Variants in ZNF317 observed in about 807,000 individuals in gnomAD.
ZNF317 encodes the protein KRAB-containing zinc finger protein 317.
ZNF317 carries 17 observed loss-of-function variants against 23.4 expected under a neutral mutation model. The ratio of observed to expected loss-of-function variants is 0.73; its 90% CI spans 0.50 to 1.09. The LOEUF (loss-of-function observed/expected upper bound fraction) is 1.09. ZNF317 is among the 50% of genes least tolerant of loss of function. ZNF317 has a pLI of 0.00. For synonymous variants in ZNF317, 317 were observed against 314.9 expected (o/e 1.01, Z -0.07); for missense variants, 679 against 796.7 (o/e 0.85, Z 1.78).
rs2050816844 is a variant in ZNF317 at position 9,158,858 on chromosome 19, C to T, written c.418C>T (p.Leu140Phe). The change falls in exon 6 of 7, where the codon CTT becomes TTT. Residue 140 changes from leucine to phenylalanine, a missense_variant. Physicochemically the swap from Leu to Phe is conservative, Grantham distance 22 (BLOSUM62 0). Coordinates refer to ENST00000247956, the MANE Select transcript of ZNF317 (RefSeq NM_020933.5). Reference sequence around the variant, plus strand: ...GACTCCATCTAAAACCAAGTGGTCACTTCTTATGGAAGATATTTTTGGGAA... The same window carrying T: ...GACTCCATCTAAAACCAAGTGGTCATTTCTTATGGAAGATATTTTTGGGAA... Reference protein sequence around the residue: ...WETPSKTKWSLLMEDIFGKET... With the variant: ...WETPSKTKWSFLMEDIFGKET... The T allele has an allele frequency of 6.2e-7, 1 of 1,613,018 alleles. No individual in the cohort carries two copies. Among genetic ancestry groups the T allele is most frequent in the East Asian group, 2.2e-5 (1 of 44,878 alleles).
chr19:9,156,640 C>T lies in ZNF317; in HGVS notation c.54C>T (p.Leu18=), dbSNP rs371265558. ...FATSTQDSTC[L]QDSEFPVSSK... is the part of the protein sequence containing the mutation. ...CGTCCACCCAGGATTCCACCTGTCT[C>T]CAGGACTCAGAATTTCCTGTTTCTT... The change falls in exon 3 of 7, where the codon CTC becomes CTT. Residue 18 remains leucine, a synonymous_variant. Coordinates refer to ENST00000247956, the MANE Select transcript of ZNF317 (RefSeq NM_020933.5). 51 of 1,614,040 alleles carry T rather than the reference C, an allele frequency of 3.2e-5. No homozygotes were observed. The highest frequency in any genetic ancestry group is 4.1e-5 in the Non-Finnish European group (48 of 1,180,020).
chr19:9,151,406 G>C (rs1328119614), intron 1 of ZNF317, among the ~76,000 whole-genome samples: 2 of 152,120 alleles, frequency 1.3e-5, no homozygotes, highest in African/African-American at 4.8e-5. Flanking sequence ...AATACTAATT[G>C]ATGTTGAAAA....
chr19:9,160,715 C>T lies in ZNF317; in HGVS notation c.1070C>T (p.Thr357Met), dbSNP rs1297682998. 14 of 1,614,156 alleles carry T rather than the reference C, an allele frequency of 8.7e-6. No individual in the cohort carries two copies. Among genetic ancestry groups the T allele is most frequent in the Admixed American group, 1.7e-5 (1 of 60,026 alleles). ...CTCAAAGAGCACGTGAGGAATCACACGGGGGAGAAGCCCTACGCGTGCACG... is the reference window on the plus strand; with the variant it reads ...CTCAAAGAGCACGTGAGGAATCACATGGGGGAGAAGCCCTACGCGTGCACG... ...SHLKEHVRNH[T>M]GEKPYACTQC... Residue 357 changes from threonine (T) to methionine (M), a missense_variant, in exon 7 of 7, where the codon ACG (threonine) becomes ATG (methionine). Transcript: ENST00000247956. The surrounding 1 kb of genome is among the most constrained non-coding windows in gnomAD (Gnocchi z 6.8).
rs2050858517 is a variant in ZNF317, at chr19:9,161,608, TTG to T, written c.*178_*179del. 1 of 912,044 alleles carries T rather than the reference TTG, an allele frequency of 1.1e-6. No individual in the cohort carries two copies. Among genetic ancestry groups the T allele is most frequent in the Non-Finnish European group, 1.6e-6 (1 of 621,354 alleles). The allele number at this position is 912,044 out of a possible 1,614,324, so 56.5% of individuals were successfully genotyped here. ...GAGGCGTTCTCATCCCATAGGAGGTTTGTGAGAACTCACGCCGGGGGTGAAAA... is the reference window on the plus strand; with the variant it reads ...GAGGCGTTCTCATCCCATAGGAGGTTTGAGAACTCACGCCGGGGGTGAAAA... On this transcript the variant is annotated 3_prime_UTR_variant, in exon 7 of 7. Transcript: ENST00000247956. This position sits in a 1 kb window ranked among gnomAD's most constrained non-coding sequence, Gnocchi z 4.0.
chr19:9,143,745 C>CCCT (rs59104999), intron 1 of ZNF317, among the ~76,000 whole-genome samples: 2 of 144,040 alleles, frequency 1.4e-5, no homozygotes, highest in African/African-American at 2.5e-5. Flanking sequence ...TCTGTCCCCC[C>CCCT]TTTTTTTTTT....
chr19:9,155,983 C>A lies in ZNF317; in HGVS notation c.-34C>A, dbSNP rs186606187. Reference sequence around the variant, plus strand: ...AGTAGCTTTCTGGTTGTCCTGGTGCCCTGCTCAGGCAAACTGACTGCCATT... The same window carrying A: ...AGTAGCTTTCTGGTTGTCCTGGTGCACTGCTCAGGCAAACTGACTGCCATT... On this transcript the variant is annotated 5_prime_UTR_variant, in exon 2 of 7. Transcript: ENST00000247956. The A allele has an allele frequency of 2.2e-4, 359 of 1,614,088 alleles. 1 individual carries two copies. The African/African-American group carries it at 4.4e-3, about 20-fold the overall frequency.
Position 9,160,449 on chromosome 19 carries a change from C to T in ZNF317, c.804C>T (p.His268=), listed in dbSNP as rs769382364. The T allele has an allele frequency of 1.3e-5, 21 of 1,614,022 alleles. No homozygotes were observed. The highest frequency in any genetic ancestry group is 1.1e-4 in the East Asian group (5 of 44,892). The change falls in exon 7 of 7, where the codon CAC becomes CAT. Residue 268 remains histidine, a synonymous_variant. Transcript: ENST00000247956. This position sits in a 1 kb window ranked among gnomAD's most constrained non-coding sequence, Gnocchi z 6.8. ...ACGACCCTTCAGCCCTTAGGAGCCACGCAAGAACTCACCTCAAAGAGAAGC... is the reference window on the plus strand; with the variant it reads ...ACGACCCTTCAGCCCTTAGGAGCCATGCAAGAACTCACCTCAAAGAGAAGC... ...AFNDPSALRS[H]ARTHLKEKPF... is the part of the protein sequence containing the mutation.
intron 1 of ZNF317, among the ~76,000 whole-genome samples, chr19:9,148,443 G>GA (rs1409578408): frequency 5.3e-5 from 8 of 152,196 alleles, no homozygotes; most frequent in Non-Finnish European, 8.8e-5. Context: ...GTTGGCCCCA[G>GA]GGTGTTGGGC....
intron 1 of ZNF317, among the ~76,000 whole-genome samples, 181 bp from the exon 2 acceptor site, chr19:9,155,744 T>TC (rs1226802513): frequency 6.6e-6 from 1 of 152,082 alleles, no homozygotes; most frequent in South Asian, 2.1e-4. Flanking sequence ...TCAGGGGCTG[T>TC]CCCCCCACCA....
intron 1 of ZNF317, among the ~76,000 whole-genome samples, chr19:9,147,503 G>A (rs1478217781): frequency 6.6e-6 from 1 of 152,016 alleles, no homozygotes; most frequent in African/African-American, 2.4e-5. Flanking sequence ...ACCGCGCCCG[G>A]CTAATTTTTT....
intron 1 of ZNF317, among the ~76,000 whole-genome samples, chr19:9,153,148 T>TTTTGTTTG (rs74921135): frequency 2.1e-5 from 3 of 143,992 alleles, no homozygotes; most frequent in Non-Finnish European, 4.7e-5. Flanking sequence ...AGGTAGTTGT[T>TTTTGTTTG]TTTGTTTGTT....
chr19:9,152,196 G>A (rs1266842177), intron 1 of ZNF317, among the ~76,000 whole-genome samples: 4 of 152,140 alleles, frequency 2.6e-5, no homozygotes, highest in Admixed American at 6.5e-5. Flanking sequence ...GTGAGCCACC[G>A]TGCCCAGCTG....
chr19:9,144,355 TTAATC>T (rs1396299030), intron 1 of ZNF317, among the ~76,000 whole-genome samples: 1 of 152,218 alleles, frequency 6.6e-6, no homozygotes, highest in African/African-American at 2.4e-5. Context: ...TATAATTGGA[TTAATC>T]TATTCTGTGA....
chr19:9,159,962 G>C lies in ZNF317; in HGVS notation c.469-152G>C, dbSNP rs189112019. ...ATTGTCCTTGATGGAGCTCAAATGG[G>C]GCAGGGACAGCACGTTTGCACGGCA... On this transcript the variant is annotated intron_variant, in intron 6 of 6. Transcript: ENST00000247956. The C allele has an allele frequency of 4.5e-6, 5 of 1,099,526 alleles. No individual in the cohort carries two copies. In the East Asian group the frequency reaches 1.2e-4, roughly 27 times the overall value. 68.1% of individuals were successfully genotyped at this position (1,099,526 alleles called of 1,614,324 possible).
intron 1 of ZNF317, among the ~76,000 whole-genome samples, chr19:9,145,985 T>TATG (rs981474161): frequency 1.1e-4 from 13 of 123,678 alleles, no homozygotes; most frequent in Non-Finnish European, 1.9e-4. Flanking sequence ...AGAAACAAAT[T>TATG]ATTATTATTA....
At chr19:9,158,498 C>A (rs2050812961) in intron 5 of ZNF317, among the ~76,000 whole-genome samples, 1 of 149,490 alleles carries the variant, frequency 6.7e-6, no homozygotes, top group Non-Finnish European at 1.5e-5. Flanking sequence ...TGCCGCCATG[C>A]CTACCTAATT....
Position 9,160,743 on chromosome 19 carries a change from G to A in ZNF317, c.1098G>A (p.Gln366=). Residue 366 remains glutamine (Q), a synonymous_variant, in exon 7 of 7, where the codon CAG becomes CAA. Coordinates refer to ENST00000247956, the MANE Select transcript of ZNF317 (RefSeq NM_020933.5). This position sits in a 1 kb window ranked among gnomAD's most constrained non-coding sequence, Gnocchi z 6.8. ...GGGAGAAGCCCTACGCGTGCACGCA[G>A]TGCGGCAAAGCCTTCCGCTGGAAGT... The part of the protein sequence containing the change: ...HTGEKPYACT[Q]CGKAFRWKSN... The A allele has an allele frequency of 6.2e-7, 1 of 1,612,548 alleles. No homozygotes were observed. Among genetic ancestry groups the A allele is most frequent in the Non-Finnish European group, 8.5e-7 (1 of 1,179,514 alleles).
intron 2 of ZNF317, 145 bp downstream of exon 2, chr19:9,156,186 C>T: frequency 9.9e-7 from 1 of 1,008,568 alleles, no homozygotes; most frequent in Non-Finnish European, 1.5e-6. Context: ...GCCCCAGCAG[C>T]CACCCCAGTG....
chr19:9,146,795 G>A (rs1203628645), intron 1 of ZNF317, among the ~76,000 whole-genome samples: 1 of 152,112 alleles, frequency 6.6e-6, no homozygotes, highest in Non-Finnish European at 1.5e-5. Context: ...GTCAGTAAAA[G>A]TAACAAAATA....
Sources: allele counts gnomAD v4.1 joint callset (sites outside exome capture counted in the v4.1 genomes callset), GRCh38; gene constraint gnomAD v4.1.1; non-coding constraint Gnocchi (gnomAD v3.1); transcripts MANE v1.5; gene names NCBI Gene and HGNC (gene_info 2026-07-23, HGNC 2026-07-21).